The following CDH12 variants were observed in gnomAD, a reference collection of about 807,000 sequenced individuals.
CDH12 encodes cadherin-12.
CDH12 carries 41 observed loss-of-function variants against 74.1 expected under a neutral mutation model. The ratio of observed to expected loss-of-function variants is 0.55; its 90% CI spans 0.43 to 0.72. The LOEUF (loss-of-function observed/expected upper bound fraction) is 0.72. CDH12 is among the 30% of genes least tolerant of loss of function. The probability of loss-of-function intolerance (pLI) is 0.00; values close to 1 mark genes in which losing one functional copy is unlikely to be tolerated. For missense variants in CDH12, 945 were observed against 977.2 expected, an observed-to-expected ratio of 0.97 and a Z score of 0.44; for synonymous variants, 399 against 355.0, an observed-to-expected ratio of 1.12 and a Z score of -1.39.
intron 1 of CDH12, among the ~76,000 whole-genome samples, chr5:22,680,303 G>T (rs978112647): frequency 2.0e-5 from 3 of 152,110 alleles, no homozygotes; most frequent in Admixed American, 6.6e-5. Flanking sequence ...AGTAATGAAT[G>T]AAATACATGA....
chr5:22,062,292 A>G (rs367947595), intron 5 of CDH12, among the ~76,000 whole-genome samples: 2 of 152,170 alleles, frequency 1.3e-5, no homozygotes, highest in East Asian at 1.9e-4. Context: ...GAACTAGCAT[A>G]CAATGGACAT....
At chr5:22,145,392 AG>A (rs1269511351) in intron 4 of CDH12, among the ~76,000 whole-genome samples, 5 of 152,000 alleles carry the variant, frequency 3.3e-5, no homozygotes, top group Non-Finnish European at 7.4e-5. Flanking sequence ...CGTTCATGAA[AG>A]AGATTCTTAA....
chr5:22,102,000 G>T (rs977268001), intron 4 of CDH12, among the ~76,000 whole-genome samples: 2 of 152,156 alleles, frequency 1.3e-5, no homozygotes, highest in East Asian at 3.9e-4. Context: ...ATCAGGAAAT[G>T]ACCTGGATTT....
chr5:21,816,192 C>T (rs556806134), intron 9 of CDH12, among the ~76,000 whole-genome samples: 199 of 152,276 alleles, frequency 1.3e-3, no homozygotes, highest in African/African-American at 4.7e-3. Context: ...TCCTTCTCCT[C>T]AGCCTACTCA....
chr5:22,844,511 C>A (rs1481181670), intron 1 of CDH12, among the ~76,000 whole-genome samples: 2 of 152,032 alleles, frequency 1.3e-5, no homozygotes, highest in South Asian at 2.1e-4. Context: ...TGAGCTTGTA[C>A]AAAATTGTAG....
rs139263585 is a variant in CDH12 at position 22,690,019 on chromosome 5, G to A, written c.-523+163039C>T. Among the ~76,000 whole-genome samples, 922 of 152,216 alleles carry A rather than the reference G, an allele frequency of 6.1e-3. 7 individuals are homozygous for A. The highest frequency in any genetic ancestry group is 0.027 in the Middle Eastern group (8 of 294). ...TGGTTTTCAAAGATAGTTAGATTTA[G>A]ACGGCTATGAGAAAGGAGGAATTAC... On this transcript the variant is annotated intron_variant, in intron 1 of 14. Transcript: ENST00000382254.
intron 1 of CDH12, among the ~76,000 whole-genome samples, chr5:22,613,157 A>G (rs1737498709): frequency 6.6e-6 from 1 of 151,998 alleles, no homozygotes; most frequent in Non-Finnish European, 1.5e-5. Context: ...TGAATTATGA[A>G]CCTCTGCAAA....
chr5:22,282,150 G>A lies in CDH12; in HGVS notation c.-332-69507C>T, dbSNP rs75263001. ...TGACAAAAACAAGCAATGGGGAAAG[G>A]ATTCTTTAATAAATGGTGTTGGGAA... On this transcript the variant is annotated intron_variant, in intron 3 of 14. Transcript: ENST00000382254. Among the ~76,000 whole-genome samples, 955 of 151,972 alleles carry A rather than the reference G, an allele frequency of 6.3e-3. 10 individuals are homozygous for A. The highest frequency in any genetic ancestry group is 0.022 in the African/African-American group (919 of 41,498).
At chr5:22,560,989 A>G (rs952694735) in intron 1 of CDH12, among the ~76,000 whole-genome samples, 36 of 152,174 alleles carry the variant, frequency 2.4e-4, no homozygotes, top group African/African-American at 8.2e-4. Context: ...TGGTAACACT[A>G]TATTTTGCTC....
chr5:22,075,485 C>T (rs1486986890), intron 5 of CDH12, among the ~76,000 whole-genome samples: 1 of 151,958 alleles, frequency 6.6e-6, no homozygotes, highest in Non-Finnish European at 1.5e-5. Context: ...TATGATGACC[C>T]ACTTCCACTT....
intron 3 of CDH12, among the ~76,000 whole-genome samples, chr5:22,311,426 C>T (rs554653589): frequency 5.3e-4 from 80 of 152,024 alleles, no homozygotes; most frequent in Non-Finnish European, 1.1e-3. Context: ...AATTGTGGGC[C>T]GGGCGCGGTG....
chr5:22,743,892 A>G (rs991172617), intron 1 of CDH12, among the ~76,000 whole-genome samples: 1 of 151,698 alleles, frequency 6.6e-6, no homozygotes, highest in Admixed American at 6.6e-5. Flanking sequence ...TTTTAATGTG[A>G]TATGTCACAT....
intron 1 of CDH12, among the ~76,000 whole-genome samples, chr5:22,536,440 G>T (rs199999436): frequency 0.15 from 22,746 of 152,072 alleles, 2,298 homozygotes; most frequent in East Asian, 0.36. Flanking sequence ...TGGTGGTGGT[G>T]ATAGTGGTAG....
At chr5:21,907,563 G>A (rs1047635759) in intron 6 of CDH12, among the ~76,000 whole-genome samples, 9 of 152,186 alleles carry the variant, frequency 5.9e-5, no homozygotes, top group Non-Finnish European at 1.3e-4. Context: ...GAAGTTGAAA[G>A]TAAAATATGA....
At chr5:21,888,385 T>C (rs1257091795) in intron 6 of CDH12, among the ~76,000 whole-genome samples, 5 of 152,024 alleles carry the variant, frequency 3.3e-5, no homozygotes, top group African/African-American at 4.8e-5. Flanking sequence ...TCACTAACAA[T>C]GCAGGGAGAT....
chr5:22,498,179 A>G (rs1194929014), intron 2 of CDH12, among the ~76,000 whole-genome samples: 1 of 152,156 alleles, frequency 6.6e-6, no homozygotes, highest in Non-Finnish European at 1.5e-5. Context: ...TTTGCAAACT[A>G]CCATTTCCCC....
chr5:22,084,719 ACT>A (rs1210979463), intron 4 of CDH12, among the ~76,000 whole-genome samples: 5 of 152,070 alleles, frequency 3.3e-5, no homozygotes, highest in Non-Finnish European at 5.9e-5. Flanking sequence ...CAGATCCCAG[ACT>A]CTGGCCACGG....
chr5:22,336,393 G>C (rs1739582049), intron 3 of CDH12, among the ~76,000 whole-genome samples: 1 of 152,164 alleles, frequency 6.6e-6, no homozygotes, highest in African/African-American at 2.4e-5. Flanking sequence ...AAGACAAGGG[G>C]GAAAATATCT....
chr5:21,832,847 TG>T (rs1175147073), intron 8 of CDH12, among the ~76,000 whole-genome samples: 4 of 81,484 alleles, frequency 4.9e-5, no homozygotes, highest in Admixed American at 4.1e-4. Context: ...ATAAATCATA[TG>T]ATATATGATA....
Sources: gnomAD v4.1 joint callset for allele counts (sites outside exome capture counted in the v4.1 genomes callset) on GRCh38, gnomAD v4.1.1 for gene constraint, MANE v1.5 for transcripts, NCBI Gene and HGNC (gene_info 2026-07-23, HGNC 2026-07-21) for gene names.